The following SLC4A4 variants were observed in gnomAD, a reference collection of about 807,000 sequenced individuals.
The protein encoded by SLC4A4 is electrogenic sodium bicarbonate cotransporter 1.
SLC4A4 carries 27 observed loss-of-function variants against 111.5 expected under a neutral mutation model. The ratio of observed to expected loss-of-function variants is 0.24; its 90% CI spans 0.18 to 0.33. The LOEUF is 0.33. Among genes scored for constraint, SLC4A4 ranks in the 10% least tolerant of loss-of-function variants. The pLI, the probability that SLC4A4 is intolerant of heterozygous loss-of-function variation, is 1.00. For missense variants in SLC4A4, 909 were observed against 1,315.5 expected (o/e 0.69, Z 4.78); for synonymous variants, 443 against 463.4 (o/e 0.96, Z 0.57).
chr4:71,386,313 CT>C (rs1387217229), intron 6 of SLC4A4, among the ~76,000 whole-genome samples: 1 of 151,858 alleles, frequency 6.6e-6, no homozygotes, highest in Non-Finnish European at 1.5e-5. Flanking sequence ...TTATTTTTCC[CT>C]GGGTGTCCTT....
intron 1 of SLC4A4, among the ~76,000 whole-genome samples, chr4:71,068,062 G>T (rs13106940): frequency 0.77 from 105,210 of 136,222 alleles, 40,398 homozygotes; most frequent in Admixed American, 0.84. Flanking sequence ...TTGAACAAAC[G>T]TTTTTTTTTT....
intron 2 of SLC4A4, among the ~76,000 whole-genome samples, chr4:71,157,460 C>G (rs1007232639): frequency 1.3e-5 from 2 of 151,996 alleles, no homozygotes; most frequent in Non-Finnish European, 2.9e-5. Flanking sequence ...ATTTCTGAAT[C>G]AAATTTTAAG....
rs556530578 is a variant in SLC4A4, at chr4:71,138,736, G to C, written c.-2+45944G>C. On this transcript the variant is annotated intron_variant, in intron 2 of 26. Coordinates refer to the SLC4A4 transcript ENST00000649996. ...GGCTGGTTGGGTATGTTGGGGGCCAGGTAAAGAATCAGTAAGTTGGCCGGG... is the reference window on the plus strand; with the variant it reads ...GGCTGGTTGGGTATGTTGGGGGCCACGTAAAGAATCAGTAAGTTGGCCGGG... 1.7e-4 allele frequency among the ~76,000 whole-genome samples: 26 copies of C among 152,206 alleles called. 1 individual carries two copies. Among genetic ancestry groups the C allele is most frequent in the African/African-American group, 6.0e-4 (25 of 41,546 alleles).
intron 16 of SLC4A4, among the ~76,000 whole-genome samples, chr4:71,498,028 C>T (rs943833527): frequency 6.6e-6 from 1 of 152,208 alleles, no homozygotes; most frequent in East Asian, 1.9e-4. Flanking sequence ...AGTACATAAT[C>T]AAAAACTCTT....
intron 2 of SLC4A4, among the ~76,000 whole-genome samples, chr4:71,128,777 C>T (rs947178322): frequency 3.9e-5 from 6 of 152,186 alleles, no homozygotes; most frequent in African/African-American, 7.2e-5. Flanking sequence ...GCATGAGCCA[C>T]CACACTCAGC....
rs141212980 is a variant in SLC4A4, at chr4:71,353,470, T to TA, written c.550+3404dup. Among the ~76,000 whole-genome samples the TA allele has an allele frequency of 6.8e-3, 1,039 of 152,246 alleles. 10 individuals are homozygous for TA. Among genetic ancestry groups the TA allele is most frequent in the African/African-American group, 0.023 (943 of 41,524 alleles). On this transcript the variant is annotated intron_variant, in intron 5 of 25. Transcript: ENST00000264485. ...GCATGTTTGAAAGAGTGTCACTAGC[T>TA]AAAAAACATCTTAATCCTCTGAACT...
At chr4:71,193,450 C>T (rs1053495636) in intron 1 of SLC4A4, among the ~76,000 whole-genome samples, 2 of 152,216 alleles carry the variant, frequency 1.3e-5, no homozygotes, top group African/African-American at 2.4e-5. Flanking sequence ...TGAGCCACCG[C>T]GCCCGGCCCA....
At chr4:71,426,093 T>C (rs1320153191) in intron 7 of SLC4A4, among the ~76,000 whole-genome samples, 2 of 152,126 alleles carry the variant, frequency 1.3e-5, no homozygotes, top group Non-Finnish European at 2.9e-5. Context: ...TATGATGCTG[T>C]ACTAAAGTAA....
chr4:71,185,970 C>G (rs1242734198), upstream of SLC4A4, among the ~76,000 whole-genome samples: 1 of 152,188 alleles, frequency 6.6e-6, no homozygotes, highest in African/African-American at 2.4e-5. Flanking sequence ...ATGATATACA[C>G]TTGCATGATA....
chr4:71,446,360 G>C lies in SLC4A4; in HGVS notation c.966-1286G>C, dbSNP rs1301473856. Reference sequence around the variant, plus strand: ...CTGGTACCATAAAAATCTTACCTAAGATTTCTTGTCCCTGGCTAAGCATCC... The same window carrying C: ...CTGGTACCATAAAAATCTTACCTAACATTTCTTGTCCCTGGCTAAGCATCC... On this transcript the variant is annotated intron_variant, in intron 8 of 25. Coordinates refer to ENST00000264485, the MANE Select transcript of SLC4A4 (RefSeq NM_001098484.3). Among the ~76,000 whole-genome samples the C allele has an allele frequency of 2.6e-5, 4 of 152,134 alleles. No individual in the cohort carries two copies. In the East Asian group the frequency reaches 5.8e-4, roughly 22 times the overall value.
At chr4:71,207,048 T>G in intron 1 of SLC4A4, among the ~76,000 whole-genome samples, 1 of 152,140 alleles carries the variant, frequency 6.6e-6, no homozygotes, top group East Asian at 1.9e-4. Context: ...AGTAATCTTA[T>G]AAGGTTGTAA....
chr4:71,421,616 C>T (rs969692197), intron 7 of SLC4A4, among the ~76,000 whole-genome samples: 1 of 152,102 alleles, frequency 6.6e-6, no homozygotes, highest in Non-Finnish European at 1.5e-5. Flanking sequence ...TGTTAAAGAA[C>T]AGAAATTATA....
intron 2 of SLC4A4, among the ~76,000 whole-genome samples, chr4:71,144,215 AT>A (rs1744099087): frequency 6.6e-6 from 1 of 152,156 alleles, no homozygotes; most frequent in South Asian, 2.1e-4. Flanking sequence ...TCCTTTCCCC[AT>A]TTCTTGTTTT....
chr4:71,086,455 G>T (rs1742176479), intron 1 of SLC4A4, among the ~76,000 whole-genome samples: 1 of 152,010 alleles, frequency 6.6e-6, no homozygotes, highest in Non-Finnish European at 1.5e-5. Flanking sequence ...AATAGGAGTG[G>T]TGAGAGAGGT....
chr4:71,087,702 T>C (rs894300705), intron 1 of SLC4A4, among the ~76,000 whole-genome samples: 1 of 152,080 alleles, frequency 6.6e-6, no homozygotes, highest in Non-Finnish European at 1.5e-5. Context: ...AGTTTCCATG[T>C]AGTTGAGCGG....
rs569926461 is a variant in SLC4A4, at chr4:71,300,549, G to A, written c.254-38821G>A. The A allele has an allele frequency of 1.6e-5, 4 of 256,524 alleles. No individual in the cohort carries two copies. The South Asian group carries it at 2.3e-4, about 15-fold the overall frequency. The allele number at this position is 256,524 out of a possible 1,614,324, so 15.9% of individuals were successfully genotyped here. ...TAGCGGCATGCAGATCTAGATTCAGGAGCACACCAAAGGTGTAGAGGAAGA... is the reference window on the plus strand; with the variant it reads ...TAGCGGCATGCAGATCTAGATTCAGAAGCACACCAAAGGTGTAGAGGAAGA... On this transcript the variant is annotated intron_variant, in intron 3 of 25. Transcript: ENST00000264485.
Position 71,451,319 on chromosome 4 carries a change from T to G in SLC4A4, c.1322+18T>G, listed in dbSNP as rs1289556098. The stretch of plus-strand genomic sequence containing the variant: ...ACTGGACGGTAACTGACAGTTTCCT[T>G]TGCCATTCATGATGAGGTTCTCCTT... On this transcript the variant is annotated intron_variant, in intron 11 of 25. Transcript: ENST00000264485. The G allele has an allele frequency of 6.8e-7, 1 of 1,466,024 alleles. No homozygotes were observed. The highest frequency in any genetic ancestry group is 1.1e-5 in the South Asian group (1 of 88,150). The allele number at this position is 1,466,024 out of a possible 1,614,324, so 90.8% of individuals were successfully genotyped here.
intron 8 of SLC4A4, among the ~76,000 whole-genome samples, chr4:71,446,977 C>T (rs1725296372): frequency 6.6e-6 from 1 of 152,194 alleles, no homozygotes; most frequent in Non-Finnish European, 1.5e-5. Flanking sequence ...GACCTGTTTG[C>T]TATGAAGCAA....
At chr4:71,166,159 A>G (rs867626674) in intron 2 of SLC4A4, among the ~76,000 whole-genome samples, 3 of 152,228 alleles carry the variant, frequency 2.0e-5, no homozygotes, top group Non-Finnish European at 4.4e-5. Flanking sequence ...GGCTAAAAAA[A>G]CTGCTATCTT....
Sources: gnomAD v4.1 joint callset for allele counts (sites outside exome capture counted in the v4.1 genomes callset) on GRCh38, gnomAD v4.1.1 for gene constraint, MANE v1.5 for transcripts, NCBI Gene and HGNC (gene_info 2026-07-23, HGNC 2026-07-21) for gene names.